Variants in ANKRD18A observed in about 807,000 individuals in gnomAD.
ANKRD18A encodes the protein ankyrin repeat domain 18A.
A neutral mutation model predicts 110.6 loss-of-function variants in ANKRD18A; 72 were observed. That is an observed-to-expected ratio of 0.65 (90% CI 0.54 to 0.79). The LOEUF (loss-of-function observed/expected upper bound fraction) is 0.79. ANKRD18A is among the 30% of genes least tolerant of loss of function. The pLI is 0.00. For synonymous variants in ANKRD18A, 305 were observed against 410.3 expected (o/e 0.74, Z 3.10); for missense variants, 934 against 1,163.3 (o/e 0.80, Z 2.87).
chr9:38,616,641 A>G (rs1455926831), intron 1 of ANKRD18A, among the ~76,000 whole-genome samples: 1 of 152,140 alleles, frequency 6.6e-6, no homozygotes, highest in African/African-American at 2.4e-5. Context: ...TTTTTTGTAG[A>G]GTAGGAATGT....
At chr9:38,568,478 G>C (rs1015029863), downstream of ANKRD18A, 5 of 152,960 alleles carry the variant, frequency 3.3e-5, no homozygotes, top group African/African-American at 1.2e-4. Context: ...CTGCCCTGGA[G>C]GTAGGGCCCC....
At chr9:38,603,100 G>C in intron 7 of ANKRD18A, 59 bp downstream of exon 7, 1 of 1,529,976 alleles carries the variant, frequency 6.5e-7, no homozygotes, top group Non-Finnish European at 8.8e-7. Context: ...TACGGCTGAA[G>C]CTTCCCTTGT....
At chr9:38,586,343 T>C in intron 11 of ANKRD18A, 31 bp from the exon 12 acceptor site, 12 of 1,474,548 alleles carry the variant, frequency 8.1e-6, no homozygotes, top group Non-Finnish European at 1.1e-5. Flanking sequence ...GTAAGTCAAG[T>C]ATTTTTAAGA....
intron 6 of ANKRD18A, among the ~76,000 whole-genome samples, chr9:38,605,551 A>G (rs1316524466): frequency 6.6e-6 from 1 of 152,132 alleles, no homozygotes; most frequent in Non-Finnish European, 1.5e-5. Flanking sequence ...TTTTATTATA[A>G]TTTTTGGAGC....
At position 38,611,423 on chromosome 9, in the gene ANKRD18A, G is replaced by T. The variant is rs1178708819; in HGVS notation, c.496-102C>A. On this transcript the variant is annotated intron_variant, in intron 3 of 15. Coordinates refer to ENST00000399703, the MANE Select transcript of ANKRD18A (RefSeq NM_147195.4). ...GCTATGAACTTAAACATGCAATATA[G>T]AGAGAAAGTAAATGCAAAGCAGTCC... 4.0e-6 allele frequency: 6 copies of T among 1,491,568 alleles called. No homozygotes were observed. The South Asian group carries it at 6.8e-5, about 17-fold the overall frequency. 92.4% of individuals were successfully genotyped at this position (1,491,568 alleles called of 1,614,324 possible).
chr9:38,576,688 TA>T (rs1203658663), intron 14 of ANKRD18A, among the ~76,000 whole-genome samples: 1 of 152,092 alleles, frequency 6.6e-6, no homozygotes, highest in Non-Finnish European at 1.5e-5. Context: ...TACCAAAAAA[TA>T]AATTAAACTC....
chr9:38,599,018 T>C (rs1325200578), intron 8 of ANKRD18A, among the ~76,000 whole-genome samples: 3 of 152,352 alleles, frequency 2.0e-5, no homozygotes, highest in South Asian at 4.1e-4. Context: ...AAACTCTTGG[T>C]CTTTTTTCAT....
intron 8 of ANKRD18A, among the ~76,000 whole-genome samples, chr9:38,598,065 A>G (rs943926622): frequency 2.6e-5 from 4 of 152,202 alleles, no homozygotes; most frequent in Non-Finnish European, 5.9e-5. Flanking sequence ...CATTAAACAG[A>G]CTGGTTTGGC....
In ANKRD18A at chr9:38,616,060, G is replaced by A. The variant is rs772560569; in HGVS notation, c.207-16C>T. 3 of 1,520,690 alleles carry A rather than the reference G, an allele frequency of 2.0e-6. No individual in the cohort carries two copies. Among genetic ancestry groups the A allele is most frequent in the Non-Finnish European group, 1.8e-6 (2 of 1,132,026 alleles). 94.2% of individuals were successfully genotyped at this position (1,520,690 alleles called of 1,614,324 possible). ...TAGAACAGTCCTAGGAGAGCGAGAG[G>A]GGTTTTCAGGAAATGTAGTGCAATA... On this transcript the variant is annotated splice_polypyrimidine_tract_variant and intron_variant, in intron 1 of 15. Coordinates refer to ENST00000399703, the MANE Select transcript of ANKRD18A (RefSeq NM_147195.4).
intron 9 of ANKRD18A, 59 bp from the exon 10 acceptor site, chr9:38,593,968 T>C (rs1824765142): frequency 9.3e-6 from 13 of 1,400,038 alleles, no homozygotes; most frequent in Middle Eastern, 1.8e-4. Context: ...ATTATGTTAA[T>C]ATTTAAGTCT....
At chr9:38,616,691 T>A (rs1220415193) in intron 1 of ANKRD18A, among the ~76,000 whole-genome samples, 1 of 152,158 alleles carries the variant, frequency 6.6e-6, no homozygotes, top group Non-Finnish European at 1.5e-5. Context: ...CCTAGCATCA[T>A]GGGAACTTCC....
chr9:38,586,090 C>T (rs1824368414), intron 12 of ANKRD18A, 93 bp downstream of exon 12: 1 of 1,282,686 alleles, frequency 7.8e-7, no homozygotes, highest in Admixed American at 2.6e-5. Flanking sequence ...GTGCAGCAAA[C>T]CATCATGGCA....
chr9:38,596,477 A>G (rs1331212515), intron 8 of ANKRD18A, 74 bp from the exon 9 acceptor site: 3 of 1,255,156 alleles, frequency 2.4e-6, no homozygotes, highest in African/African-American at 1.5e-5. Flanking sequence ...GAAGTGAAAG[A>G]GCAATCTATA....
rs138299454 is a variant in ANKRD18A, at chr9:38,601,586, T to C, written c.863-382A>G. On this transcript the variant is annotated intron_variant, in intron 7 of 15. Coordinates refer to ENST00000399703, the MANE Select transcript of ANKRD18A (RefSeq NM_147195.4). ...ACAACATGCTAAGCACGTTATTTAC[T>C]AATAATTTGCAAAATTTTTGTTACT... is the stretch of plus-strand genomic sequence containing the variant. Among the ~76,000 whole-genome samples the C allele has an allele frequency of 2.6e-4, 39 of 152,358 alleles. No individual in the cohort carries two copies. The East Asian group carries it at 7.5e-3, about 29-fold the overall frequency.
chr9:38,617,449 AAAC>A (rs1563980538), intron 1 of ANKRD18A, among the ~76,000 whole-genome samples: 1 of 147,502 alleles, frequency 6.8e-6, no homozygotes. Context: ...CAAAACGAAA[AAAC>A]AAACAAACAA....
chr9:38,570,717 G>T (rs1316591444), downstream of ANKRD18A, among the ~76,000 whole-genome samples: 1 of 152,224 alleles, frequency 6.6e-6, no homozygotes, highest in African/African-American at 2.4e-5. Context: ...TCCCCTCCCT[G>T]CATGTGTGCC....
chr9:38,573,899 C>CT (rs923869137), intron 15 of ANKRD18A, among the ~76,000 whole-genome samples: 43 of 148,236 alleles, frequency 2.9e-4, no homozygotes, highest in East Asian at 3.9e-4. Flanking sequence ...GTAAAGTTTT[C>CT]TTTTTTTTTT....
rs1180922475 is a variant in ANKRD18A at position 38,571,858 on chromosome 9, C to A, written c.*187G>T. 1.5e-6 allele frequency: 2 copies of A among 1,291,712 alleles called. No homozygotes were observed. Among genetic ancestry groups the A allele is most frequent in the African/African-American group, 3.1e-5 (2 of 64,248 alleles). 80.0% of individuals were successfully genotyped at this position (1,291,712 alleles called of 1,614,324 possible). On this transcript the variant is annotated 3_prime_UTR_variant, in exon 16 of 16. Coordinates refer to ENST00000399703, the MANE Select transcript of ANKRD18A (RefSeq NM_147195.4). ...CCATATGTGACATGAAAATATTCTACTTTAGTAAAGATTATGATGTTTTAT... is the reference window on the plus strand; with the variant it reads ...CCATATGTGACATGAAAATATTCTAATTTAGTAAAGATTATGATGTTTTAT...
At chr9:38,588,889 C>A (rs541149732) in intron 10 of ANKRD18A, among the ~76,000 whole-genome samples, 12 of 152,122 alleles carry the variant, frequency 7.9e-5, no homozygotes, top group African/African-American at 2.9e-4. Flanking sequence ...TTTAAACTGC[C>A]AAAAATGTTT....
Sources: allele counts gnomAD v4.1 joint callset (sites outside exome capture counted in the v4.1 genomes callset), GRCh38; gene constraint gnomAD v4.1.1; transcripts MANE v1.5; gene names NCBI Gene and HGNC (gene_info 2026-07-23, HGNC 2026-07-21).